The following ZNF280D variants were observed in gnomAD, a reference collection of about 807,000 sequenced individuals.
ZNF280D encodes the protein zinc finger protein 280D.
ZNF280D carries 39 observed loss-of-function variants against 94.7 expected under a neutral mutation model. The observed-to-expected ratio is 0.41, with a 90% confidence interval of 0.32 to 0.54. The LOEUF (loss-of-function observed/expected upper bound fraction) is 0.54. Ranked by LOEUF, ZNF280D falls within the 20% of genes least tolerant of loss-of-function variation. The pLI, the probability that ZNF280D is intolerant of heterozygous loss-of-function variation, is 0.22. For missense variants in ZNF280D, 1,090 were observed against 1,149.3 expected, an observed-to-expected ratio of 0.95 and a Z score of 0.75; for synonymous variants, 398 against 377.6, an observed-to-expected ratio of 1.05 and a Z score of -0.63.
rs540959602 is a variant in ZNF280D, at chr15:56,655,459, G to A, written c.2058-956C>T. On this transcript the variant is annotated intron_variant, in intron 17 of 21. Coordinates refer to ENST00000267807, the MANE Select transcript of ZNF280D (RefSeq NM_017661.4). The stretch of plus-strand genomic sequence containing the variant: ...CTGACCTTGTGATCAGCCCCACCTC[G>A]GCCTCCCAGTGCTGGGATTACAGGC... Among the ~76,000 whole-genome samples, 14 of 152,296 alleles carry A rather than the reference G, an allele frequency of 9.2e-5. No homozygotes were observed. The East Asian group carries it at 1.5e-3, about 17-fold the overall frequency.
chr15:56,709,166 AAAAC>A (rs1419417241), intron 1 of ZNF280D, among the ~76,000 whole-genome samples: 5 of 152,238 alleles, frequency 3.3e-5, no homozygotes, highest in African/African-American at 1.2e-4. Context: ...TTACAAGAAA[AAAAC>A]AAAGAACCTC....
intron 3 of ZNF280D, among the ~76,000 whole-genome samples, chr15:56,706,526 G>C (rs2057413157): frequency 1.3e-5 from 2 of 151,864 alleles, no homozygotes; most frequent in Non-Finnish European, 2.9e-5. Flanking sequence ...CCATCTACAA[G>C]TCAAGAAGAG....
chr15:56,730,933 C>T (rs1432705998), intron 1 of ZNF280D, among the ~76,000 whole-genome samples: 1 of 152,142 alleles, frequency 6.6e-6, no homozygotes, highest in Non-Finnish European at 1.5e-5. Flanking sequence ...TAGCTTGTCA[C>T]CACCTTATCT....
intron 17 of ZNF280D, among the ~76,000 whole-genome samples, 188 bp downstream of exon 17, chr15:56,658,236 T>C (rs569946818): frequency 2.9e-4 from 44 of 152,292 alleles, no homozygotes; most frequent in African/African-American, 9.6e-4. Context: ...CAGGGTTTCT[T>C]TCTGGAGTGA....
chr15:56,665,173 G>C (rs1367199020), intron 16 of ZNF280D, among the ~76,000 whole-genome samples: 2 of 152,088 alleles, frequency 1.3e-5, no homozygotes, highest in Non-Finnish European at 2.9e-5. Context: ...CACCAAAAAA[G>C]GTAGAAGAAT....
At position 56,678,879 on chromosome 15, in the gene ZNF280D, C is replaced by T. The variant is rs2055428842; in HGVS notation, c.1005-58G>A. 6 of 1,411,872 alleles carry T rather than the reference C, an allele frequency of 4.2e-6. No homozygotes were observed. The East Asian group carries it at 1.5e-4, about 35-fold the overall frequency. 87.5% of individuals were successfully genotyped at this position (1,411,872 alleles called of 1,614,324 possible). ...AGATTTAAAAACAAAAAGGAAATCTCACAAACAAGAATCTGAACCTAAATC... is the reference window on the plus strand; with the variant it reads ...AGATTTAAAAACAAAAAGGAAATCTTACAAACAAGAATCTGAACCTAAATC... On this transcript the variant is annotated intron_variant, in intron 10 of 21. Coordinates refer to ENST00000267807, the MANE Select transcript of ZNF280D (RefSeq NM_017661.4).
chr15:56,699,540 CT>C, intron 6 of ZNF280D: 2 of 837,158 alleles, frequency 2.4e-6, no homozygotes, highest in Non-Finnish European at 2.9e-6. Flanking sequence ...TCTTTAGACT[CT>C]TTTTTCCCTT....
chr15:56,719,451 G>A (rs2058227270), intron 1 of ZNF280D, among the ~76,000 whole-genome samples: 1 of 151,954 alleles, frequency 6.6e-6, no homozygotes, highest in Non-Finnish European at 1.5e-5. Context: ...TTTCTGCCAT[G>A]AGTGGATGCA....
At position 56,704,122 on chromosome 15, in the gene ZNF280D, T is replaced by C. The variant is rs1371399785; in HGVS notation, c.174A>G (p.Ser58=). 7 of 1,613,284 alleles carry C rather than the reference T, an allele frequency of 4.3e-6. No individual in the cohort carries two copies. The highest frequency in any genetic ancestry group is 5.1e-6 in the Non-Finnish European group (6 of 1,179,832). Residue 58 remains serine (S), a splice_region_variant and synonymous_variant, in exon 4 of 22, where the codon TCA becomes TCG. Coordinates refer to ENST00000267807, the MANE Select transcript of ZNF280D (RefSeq NM_017661.4). ...GEISSSKPAI[S]NILNRVNPSS... is the part of the protein sequence containing the mutation. ...GTTTCACTAAAAGTAAATGCTTACTTGAAATTGCTGGTTTTGAACTTGATA... is the reference window on the plus strand; with the variant it reads ...GTTTCACTAAAAGTAAATGCTTACTCGAAATTGCTGGTTTTGAACTTGATA...
intron 10 of ZNF280D, among the ~76,000 whole-genome samples, chr15:56,681,547 C>T (rs577327356): frequency 3.3e-5 from 5 of 152,052 alleles, no homozygotes; most frequent in Non-Finnish European, 4.4e-5. Context: ...AGGAAAAAAC[C>T]TTATCTAATA....
rs759066827 is a variant in ZNF280D, at chr15:56,631,474, C to A, written c.*24G>T. The stretch of plus-strand genomic sequence containing the variant: ...GTTCCAAATGCCCTTATCGTTGGTA[C>A]ACTGAAACTTAAAATGACTAATTTC... On this transcript the variant is annotated 3_prime_UTR_variant, in exon 22 of 22. Transcript: ENST00000267807. The A allele has an allele frequency of 7.5e-6, 12 of 1,605,874 alleles. No individual in the cohort carries two copies. The South Asian group carries it at 1.1e-4, about 15-fold the overall frequency.
chr15:56,676,567 C>T (rs2055247859), intron 13 of ZNF280D, 103 bp downstream of exon 13: 2 of 1,035,322 alleles, frequency 1.9e-6, no homozygotes, highest in Non-Finnish European at 2.7e-6. Flanking sequence ...TCATTTGGAA[C>T]AACTCTGCTT....
Position 56,700,552 on chromosome 15 carries a change from T to C in ZNF280D, c.381+381A>G, listed in dbSNP as rs1034760635. The C allele has an allele frequency of 1.6e-5, 17 of 1,081,526 alleles. No individual in the cohort carries two copies. The South Asian group carries it at 6.7e-4, about 43-fold the overall frequency. 67.0% of individuals were successfully genotyped at this position (1,081,526 alleles called of 1,614,324 possible). On this transcript the variant is annotated intron_variant, in intron 6 of 21. Transcript: ENST00000267807. ...ACTAACTGAACTATGAAGGAATGTT[T>C]TCAGAATAAAAAGCTATGATGGTCA...
rs774733199 is a variant in ZNF280D at position 56,666,878 on chromosome 15, T to C, written c.1654A>G (p.Ile552Val). Residue 552 changes from isoleucine to valine, a missense_variant, in exon 15 of 22, where the codon ATA (isoleucine) becomes GTA (valine). By Grantham distance (29) the Ile-to-Val change is conservative. Coordinates refer to ENST00000267807, the MANE Select transcript of ZNF280D (RefSeq NM_017661.4). Reference sequence around the variant, plus strand: ...GATTTTGCAGGATTTTTAGCAGTTATATTTTTAGTCCTTGGAGGTGAGAGC... The same window carrying C: ...GATTTTGCAGGATTTTTAGCAGTTACATTTTTAGTCCTTGGAGGTGAGAGC... ...LQLSPPRTKNITAKNPAKSNT... is the reference protein window; with the variant it reads ...LQLSPPRTKNVTAKNPAKSNT... The C allele has an allele frequency of 1.2e-6, 2 of 1,613,948 alleles. No individual in the cohort carries two copies. The highest frequency in any genetic ancestry group is 1.7e-6 in the Non-Finnish European group (2 of 1,179,920).
chr15:56,686,334 T>C (rs2056012698), intron 9 of ZNF280D, among the ~76,000 whole-genome samples: 1 of 152,190 alleles, frequency 6.6e-6, no homozygotes, highest in Non-Finnish European at 1.5e-5. Flanking sequence ...AGATGGGGTT[T>C]CACTATGTTG....
intron 20 of ZNF280D, among the ~76,000 whole-genome samples, chr15:56,636,650 A>G (rs939832861): frequency 2.0e-5 from 3 of 151,862 alleles, no homozygotes; most frequent in African/African-American, 7.3e-5. Context: ...TGCCCGACTA[A>G]TTTTTGTATT....
In ZNF280D at chr15:56,728,912, T is replaced by C. The variant is rs566165108; in HGVS notation, c.-86+4546A>G. Among the ~76,000 whole-genome samples the C allele has an allele frequency of 2.4e-4, 37 of 152,300 alleles. No homozygotes were observed. The Middle Eastern group carries it at 0.01, about 42-fold the overall frequency. On this transcript the variant is annotated intron_variant, in intron 1 of 21. Coordinates refer to ENST00000267807, the MANE Select transcript of ZNF280D (RefSeq NM_017661.4). ...ACTAATATAAATGTTCTGTGCATAT[T>C]TGAGGTAGGCTAAGCCAAGCTACGA... is the stretch of plus-strand genomic sequence containing the variant.
At chr15:56,637,393 C>T (rs933825176) in intron 20 of ZNF280D, among the ~76,000 whole-genome samples, 2 of 151,732 alleles carry the variant, frequency 1.3e-5, no homozygotes, top group African/African-American at 2.4e-5. Flanking sequence ...GTTGCCCAGG[C>T]TGGTCTCAAA....
intron 13 of ZNF280D, among the ~76,000 whole-genome samples, chr15:56,669,902 A>ACATATATATATT (rs1491164823): frequency 3.7e-4 from 1 of 2,734 alleles, no homozygotes; most frequent in African/African-American, 9.2e-4. Flanking sequence ...ATATATATAT[A>ACATATATATATT]ATATATATAT....
Sources: allele counts gnomAD v4.1 joint callset (sites outside exome capture counted in the v4.1 genomes callset), GRCh38; gene constraint gnomAD v4.1.1; transcripts MANE v1.5; gene names NCBI Gene and HGNC (gene_info 2026-07-23, HGNC 2026-07-21).